CYBA: variants seen among roughly 807,000 people sequenced by gnomAD.
CYBA encodes the protein cytochrome b-245 alpha chain, also known as cytochrome b-245 light chain.
In CYBA, 21 loss-of-function variants were observed where a neutral mutation model predicts 20.8. That is an observed-to-expected ratio of 1.01 (90% CI 0.72 to 1.46). The LOEUF is 1.46. Among genes scored for constraint, CYBA ranks in the 40% most tolerant of loss-of-function variants. The pLI is 0.00. For synonymous variants in CYBA, 164 were observed against 127.5 expected (o/e 1.29, Z -1.93); for missense variants, 344 against 287.0 (o/e 1.20, Z -1.43).
intron 3 of CYBA, 112 bp downstream of exon 3, chr16:88,646,989 C>A: frequency 8.1e-7 from 1 of 1,229,654 alleles, no homozygotes; most frequent in Non-Finnish European, 1.2e-6. Context: ...CCACAAGCAC[C>A]AAAGGGTTGG....
chr16:88,650,244 C>T (rs1236415923), intron 1 of CYBA: 9 of 394,220 alleles, frequency 2.3e-5, no homozygotes, highest in Non-Finnish European at 4.2e-5. Context: ...CGCCTGAGCC[C>T]AGCCTCACCC....
rs777047009 is a variant in CYBA, at chr16:88,643,596, C to A, written c.370-25G>T. ...CCTGCGGGGCACTGAAGGGTTGAGCCGCGCCCCAGCGCCCGCCCTCCCTCC... is the reference window on the plus strand; with the variant it reads ...CCTGCGGGGCACTGAAGGGTTGAGCAGCGCCCCAGCGCCCGCCCTCCCTCC... On this transcript the variant is annotated intron_variant, in intron 5 of 5. Coordinates refer to ENST00000261623, the MANE Select transcript of CYBA (RefSeq NM_000101.4). This position sits in a 1 kb window ranked among gnomAD's most constrained non-coding sequence, Gnocchi z 4.3. 6.5e-7 allele frequency: 1 copy of A among 1,526,908 alleles called. No homozygotes were observed. The highest frequency in any genetic ancestry group is 8.8e-7 in the Non-Finnish European group (1 of 1,141,184). 94.6% of individuals were successfully genotyped at this position (1,526,908 alleles called of 1,614,324 possible).
intron 1 of CYBA, 111 bp downstream of exon 1, chr16:88,650,845 T>TGGCCC: frequency 8.3e-7 from 1 of 1,211,174 alleles, no homozygotes; most frequent in Non-Finnish European, 1.2e-6. Context: ...CGGCCCGGCC[T>TGGCCC]GGCCCGCCTG....
At chr16:88,649,523 G>T (rs547055922) in intron 1 of CYBA, among the ~76,000 whole-genome samples, 4 of 152,240 alleles carry the variant, frequency 2.6e-5, no homozygotes, top group Non-Finnish European at 5.9e-5. Context: ...GTACAGGGGG[G>T]ACTCTTTGTC....
chr16:88,646,520 C>A (rs1032064165), intron 4 of CYBA: 1 of 699,286 alleles, frequency 1.4e-6, no homozygotes, highest in Non-Finnish European at 2.6e-6. Context: ...GCATGCTGAC[C>A]CCAGACCCTG....
intron 5 of CYBA, chr16:88,644,951 C>T (rs1907220845): frequency 5.1e-6 from 3 of 588,788 alleles, no homozygotes; most frequent in African/African-American, 1.9e-5. Flanking sequence ...AGGGCGAGTC[C>T]AAGCTCCACA....
Position 88,645,220 on chromosome 16 carries a change from CA to C in CYBA, c.369+895del, listed in dbSNP as rs1005753785. The C allele has an allele frequency of 1.7e-5, 12 of 702,292 alleles. No individual in the cohort carries two copies. The African/African-American group carries it at 2.1e-4, about 12-fold the overall frequency. The allele number at this position is 702,292 out of a possible 1,614,324, so 43.5% of individuals were successfully genotyped here. On this transcript the variant is annotated intron_variant, in intron 5 of 5. Coordinates refer to ENST00000261623, the MANE Select transcript of CYBA (RefSeq NM_000101.4). ...GGGGATGCGGGTGGCCCCCGGAAAA[CA>C]AAGCAACAGCCCAGATGAGCACTTG...
chr16:88,646,623 G>T, intron 4 of CYBA, 132 bp downstream of exon 4: 2 of 833,364 alleles, frequency 2.4e-6, no homozygotes, highest in Non-Finnish European at 4.1e-6. Context: ...CCAGGGACCC[G>T]AATTTTTGTT....
rs148883694 is a variant in CYBA, at chr16:88,649,173, G to A, written c.59-1059C>T. ...AGGATGGTCTCGATCTCCTGACCTC[G>A]TGATCCGCCCGCCTTGGCCTCCCAA... On this transcript the variant is annotated intron_variant, in intron 1 of 5. Coordinates refer to ENST00000261623, the MANE Select transcript of CYBA (RefSeq NM_000101.4). Among the ~76,000 whole-genome samples the A allele has an allele frequency of 4.6e-3, 691 of 151,274 alleles. 3 individuals are homozygous for A. Among genetic ancestry groups the A allele is most frequent in the African/African-American group, 0.014 (575 of 41,180 alleles).
At chr16:88,649,349 G>A (rs1465398768) in intron 1 of CYBA, among the ~76,000 whole-genome samples, 2 of 152,148 alleles carry the variant, frequency 1.3e-5, no homozygotes, top group East Asian at 1.9e-4. Context: ...AGGAGGGGAG[G>A]GCAGTGTCCT....
intron 1 of CYBA, among the ~76,000 whole-genome samples, chr16:88,649,939 C>G (rs1414883621): frequency 1.3e-5 from 2 of 152,162 alleles, no homozygotes; most frequent in Non-Finnish European, 2.9e-5. Flanking sequence ...CTGGGGAGAG[C>G]TGTCTGAACT....
chr16:88,646,662 G>T, intron 4 of CYBA, 93 bp downstream of exon 4: 1 of 1,114,494 alleles, frequency 9.0e-7, no homozygotes. Context: ...AGTGGGGGTG[G>T]CTCCTGTCCA....
rs1054324632 is a variant in CYBA, at chr16:88,647,932, G to A, written c.128+113C>T. On this transcript the variant is annotated intron_variant, in intron 2 of 5. Coordinates refer to ENST00000261623, the MANE Select transcript of CYBA (RefSeq NM_000101.4). ...CCAACCCGTGCACAGCCCACCCTGT[G>A]TCCCAGCCTGGCTGCGGTGGTGGGG... is the stretch of plus-strand genomic sequence containing the variant. The A allele has an allele frequency of 1.2e-5, 13 of 1,070,296 alleles. No homozygotes were observed. The African/African-American group carries it at 1.2e-4, about 10-fold the overall frequency. The allele number at this position is 1,070,296 out of a possible 1,614,324, so 66.3% of individuals were successfully genotyped here.
intron 1 of CYBA, chr16:88,650,720 G>A: frequency 1.6e-6 from 1 of 612,808 alleles, no homozygotes; most frequent in South Asian, 1.8e-5. Flanking sequence ...AATGGGGGAG[G>A]GGCGCCGCGC....
chr16:88,644,898 C>G, intron 5 of CYBA: 1 of 539,986 alleles, frequency 1.9e-6, no homozygotes, highest in Non-Finnish European at 3.3e-6. Flanking sequence ...ACAGGCAACT[C>G]AAGGGAGAAG....
At chr16:88,647,960 C>A in intron 2 of CYBA, 85 bp downstream of exon 2, 3 of 1,322,028 alleles carry the variant, frequency 2.3e-6, no homozygotes, top group Non-Finnish European at 3.2e-6. Flanking sequence ...TGGTGGGGAG[C>A]GGAGGCAAAC....
At chr16:88,645,870 C>T in intron 5 of CYBA, 1 of 584,886 alleles carries the variant, frequency 1.7e-6, no homozygotes, top group Non-Finnish European at 3.1e-6. Flanking sequence ...CAGTACCCCT[C>T]CCAGGGCTGT....
intron 5 of CYBA, chr16:88,645,760 G>C: frequency 3.8e-6 from 2 of 532,498 alleles, no homozygotes; most frequent in Non-Finnish European, 6.8e-6. Flanking sequence ...CCTGATAATG[G>C]GACCCAAGCG....
intron 5 of CYBA, chr16:88,645,672 G>T (rs1042366768): frequency 3.5e-6 from 2 of 572,182 alleles, no homozygotes; most frequent in African/African-American, 3.7e-5. Flanking sequence ...ACCAAACGCA[G>T]GTGTCGGCAG....
Sources: gnomAD v4.1 joint callset for allele counts (sites outside exome capture counted in the v4.1 genomes callset) on GRCh38, gnomAD v4.1.1 for gene constraint, Gnocchi (gnomAD v3.1) non-coding constraint, MANE v1.5 for transcripts, NCBI Gene and HGNC (gene_info 2026-07-23, HGNC 2026-07-21) for gene names.